The following SCN1A variants were observed in gnomAD, a reference collection of about 807,000 sequenced individuals.
SCN1A encodes the protein sodium voltage-gated channel alpha subunit 1.
Under a neutral mutation model 193.7 loss-of-function variants are expected in SCN1A, and 13 were observed. The observed-to-expected ratio is 0.07, with a 90% CI of 0.04 to 0.11. The LOEUF (loss-of-function observed/expected upper bound fraction) is 0.11. Among genes scored for constraint, SCN1A ranks in the 10% least tolerant of loss-of-function variants. The pLI is 1.00. For missense variants in SCN1A, 1,432 were observed against 2,451.1 expected, an observed-to-expected ratio of 0.58 and a Z score of 8.78; for synonymous variants, 781 against 843.6, an observed-to-expected ratio of 0.93 and a Z score of 1.29.
intron 20 of SCN1A, among the ~76,000 whole-genome samples, chr2:166,014,592 C>CA (rs3032611): frequency 0.049 from 2,778 of 56,488 alleles, 41 homozygotes; most frequent in Non-Finnish European, 0.08. Flanking sequence ...ATCTGGTTTT[C>CA]AAAAAAAAAA....
chr2:166,041,610 AT>A, intron 15 of SCN1A, 141 bp from the exon 16 acceptor site: 1 of 666,034 alleles, frequency 1.5e-6, no homozygotes, highest in East Asian at 2.6e-5. Flanking sequence ...TGTTAAAAAA[AT>A]TACAGTTTAC....
intron 1 of SCN1A, among the ~76,000 whole-genome samples, chr2:166,148,023 C>A (rs1692391823): frequency 6.6e-6 from 1 of 152,152 alleles, no homozygotes; most frequent in African/African-American, 2.4e-5. Context: ...AGTTAACTTT[C>A]CATTTTGCTC....
intron 2 of SCN1A, among the ~76,000 whole-genome samples, chr2:166,082,477 ATAT>A (rs1293509814): frequency 2.1e-5 from 3 of 142,670 alleles, no homozygotes; most frequent in African/African-American, 5.1e-5. Context: ...CAAGGAATTT[ATAT>A]TACTTGGACA....
chr2:166,129,239 T>C (rs1691535631), upstream of SCN1A, among the ~76,000 whole-genome samples: 1 of 152,146 alleles, frequency 6.6e-6, no homozygotes, highest in Non-Finnish European at 1.5e-5. Context: ...GCAATAAAAC[T>C]AAGGCTGTTG....
intron 2 of SCN1A, among the ~76,000 whole-genome samples, chr2:166,115,534 CATAGT>C (rs993052156): frequency 1.3e-5 from 2 of 152,064 alleles, no homozygotes; most frequent in Admixed American, 6.5e-5. Context: ...GTTCAATACT[CATAGT>C]ATATATGAGT....
At chr2:166,090,091 G>A (rs1177591097) in intron 2 of SCN1A, among the ~76,000 whole-genome samples, 1 of 133,276 alleles carries the variant, frequency 7.5e-6, no homozygotes, top group Admixed American at 8.9e-5. Context: ...ACAGGCTGGA[G>A]TGCAGTGATG....
chr2:165,999,934 G>A, intron 24 of SCN1A, 158 bp from the exon 25 acceptor site: 2 of 678,936 alleles, frequency 2.9e-6, no homozygotes, highest in Non-Finnish European at 5.3e-6. Context: ...CAGTATTTTA[G>A]TATGGCTTTT....
Position 166,014,452 on chromosome 2 carries a change from A to G in SCN1A, c.3551-554T>C, listed in dbSNP as rs528503670. ...TGACTTTTCATTGCCTTCCTCACAC[A>G]TTGCTTTCACTTAGTCTAAATGCAA... On this transcript the variant is annotated intron_variant, in intron 20 of 28. Transcript: ENST00000674923. 1.2e-3 allele frequency among the ~76,000 whole-genome samples: 188 copies of G among 151,654 alleles called. 1 individual carries two copies. The highest frequency in any genetic ancestry group is 3.8e-3 in the Admixed American group (57 of 15,164).
intron 19 of SCN1A, chr2:166,016,297 A>G (rs1489141669): frequency 6.4e-6 from 1 of 155,554 alleles, no homozygotes; most frequent in Non-Finnish European, 1.4e-5. Context: ...AATTACATCA[A>G]TAAACAACCT....
intron 1 of SCN1A, among the ~76,000 whole-genome samples, chr2:166,146,899 G>A (rs1356491123): frequency 6.6e-6 from 1 of 152,166 alleles, no homozygotes; most frequent in African/African-American, 2.4e-5. Flanking sequence ...ACTGCTTACA[G>A]TAGGATATCT....
At position 166,043,733 on chromosome 2, in the gene SCN1A, G is replaced by A. The variant is rs866969671; in HGVS notation, c.1979C>T (p.Pro660Leu). 1.2e-6 allele frequency: 2 copies of A among 1,614,116 alleles called. No individual in the cohort carries two copies. Among genetic ancestry groups the A allele is most frequent in the Non-Finnish European group, 1.7e-6 (2 of 1,179,990 alleles). The change falls in exon 14 of 29, where the codon CCT (proline) becomes CTT (leucine). Residue 660 changes from proline to leucine, a missense_variant. This residue lies in a region of SCN1A where 316 missense variants were observed against 362.1 expected (regional missense o/e 0.87). Coordinates refer to ENST00000674923, the MANE Select transcript of SCN1A (RefSeq NM_001165963.4). ...CAGAAGCTGTCCAACAGGCGATGTAGGAACTGAAGGTCCACCAACCAAGGA... is the reference window on the plus strand; with the variant it reads ...CAGAAGCTGTCCAACAGGCGATGTAAGAACTGAAGGTCCACCAACCAAGGA... ...VVSLVGGPSV[P>L]TSPVGQLLPE...
At chr2:166,102,516 AAAAAAAAG>A (rs1213262494) in intron 2 of SCN1A, among the ~76,000 whole-genome samples, 3 of 100,364 alleles carry the variant, frequency 3.0e-5, no homozygotes, top group East Asian at 4.6e-4. Flanking sequence ...AAAAAAAAAG[AAAAAAAAG>A]AAAAAAAAAA....
At chr2:166,035,718 G>A (rs917850265) in intron 19 of SCN1A, among the ~76,000 whole-genome samples, 2 of 152,138 alleles carry the variant, frequency 1.3e-5, no homozygotes, top group African/African-American at 4.8e-5. Context: ...TAAACTGTTG[G>A]ATAACTCAGG....
At chr2:166,010,617 G>A (rs1017117284) in intron 22 of SCN1A, among the ~76,000 whole-genome samples, 2 of 151,184 alleles carry the variant, frequency 1.3e-5, no homozygotes, top group African/African-American at 4.8e-5. Context: ...CTAAAACTTT[G>A]TATTCAAGGA....
chr2:166,015,782 C>G (rs962200469), intron 19 of SCN1A, 55 bp from the exon 20 acceptor site: 53 of 1,600,608 alleles, frequency 3.3e-5, no homozygotes, highest in Non-Finnish European at 4.1e-5. Context: ...TAATAAGTTG[C>G]CTGCCAAGAA....
rs1275937577 is a variant in SCN1A, at chr2:166,041,462, T to C, written c.2184A>G (p.Glu728=). 1.3e-6 allele frequency: 2 copies of C among 1,584,136 alleles called. No homozygotes were observed. The part of the protein sequence containing the change: ...SILTNTVEEL[E]ESRQKCPPCW... The stretch of plus-strand genomic sequence containing the variant: ...AGGGTGGGCATTTCTGCCTGGATTC[T>C]TCAAGTTCTAGATTAAGAAAAAAAA... Residue 728 remains glutamate (E), a synonymous_variant, in exon 16 of 29, where the codon GAA becomes GAG. Transcript: ENST00000674923.
rs1698971855 is a variant in SCN1A, at chr2:166,054,860, C to T, written c.474-94G>A. On this transcript the variant is annotated intron_variant, in intron 6 of 28. Transcript: ENST00000674923. ...ACTCCATCAGTGGAATAGATAAATA[C>T]TAAAAAAGAAAACTAAGCAGATGGA... The T allele has an allele frequency of 1.4e-5, 16 of 1,164,526 alleles. No homozygotes were observed. The South Asian group carries it at 2.1e-4, about 15-fold the overall frequency. 72.1% of individuals were successfully genotyped at this position (1,164,526 alleles called of 1,614,324 possible).
At chr2:166,008,142 C>T (rs1043444553) in intron 23 of SCN1A, among the ~76,000 whole-genome samples, 1 of 151,012 alleles carries the variant, frequency 6.6e-6, no homozygotes, top group Non-Finnish European at 1.5e-5. Flanking sequence ...AAAAACTAAC[C>T]TCTTTTAATA....
At chr2:166,014,574 C>CA (rs201991349) in intron 20 of SCN1A, among the ~76,000 whole-genome samples, 1,986 of 79,070 alleles carry the variant, frequency 0.025, 29 homozygotes, top group Middle Eastern at 0.096. Context: ...AGAACCTTAC[C>CA]AAAAAAAATC....
Sources: allele counts gnomAD v4.1 joint callset (sites outside exome capture counted in the v4.1 genomes callset), GRCh38; gene constraint gnomAD v4.1.1; regional missense constraint gnomAD v4.1.1; transcripts MANE v1.5; gene names NCBI Gene and HGNC (gene_info 2026-07-23, HGNC 2026-07-21).